The following ST6GALNAC3 variants were observed in gnomAD, a reference collection of about 807,000 sequenced individuals.
ST6GALNAC3 encodes alpha-N-acetylgalactosaminide alpha-2,6-sialyltransferase 3.
ST6GALNAC3 carries 25 observed loss-of-function variants against 32.7 expected under a neutral mutation model. That is an observed-to-expected ratio of 0.76 (90% CI 0.56 to 1.07). The LOEUF (loss-of-function observed/expected upper bound fraction) is 1.07, where lower values mean the gene tolerates loss of function less well. Ranked by LOEUF, ST6GALNAC3 falls within the 50% of genes least tolerant of loss-of-function variation. The probability of loss-of-function intolerance (pLI) is 0.00; values close to 1 mark genes in which losing one functional copy is unlikely to be tolerated. For missense variants in ST6GALNAC3, 355 were observed against 382.4 expected (o/e 0.93, Z 0.60); for synonymous variants, 129 against 133.1 (o/e 0.97, Z 0.21).
intron 3 of ST6GALNAC3, among the ~76,000 whole-genome samples, chr1:76,442,940 A>T (rs1404082855): frequency 2.0e-5 from 3 of 152,198 alleles, no homozygotes; most frequent in African/African-American, 7.2e-5. Context: ...ATGGTCTCCT[A>T]CTGTGTTTAA....
chr1:76,575,404 G>A (rs115194213), intron 3 of ST6GALNAC3, among the ~76,000 whole-genome samples: 178 of 152,194 alleles, frequency 1.2e-3, no homozygotes, highest in African/African-American at 4.1e-3. Context: ...CACCAAACAT[G>A]CATTGAGCAC....
In ST6GALNAC3 at chr1:76,550,277, A is replaced by T. The variant is rs183892883; in HGVS notation, c.624-77175A>T. ...AAATTCTAAAGATTCTACCATATTT[A>T]CTTATAAAAGCTTTACAGTTTGGCT... is the stretch of plus-strand genomic sequence containing the variant. On this transcript the variant is annotated intron_variant, in intron 3 of 4. Coordinates refer to ENST00000328299, the MANE Select transcript of ST6GALNAC3 (RefSeq NM_152996.4). Among the ~76,000 whole-genome samples the T allele has an allele frequency of 4.9e-4, 75 of 152,332 alleles. No individual in the cohort carries two copies. The Middle Eastern group carries it at 0.014, about 28-fold the overall frequency.
chr1:76,113,357 AG>A (rs1333314231), intron 1 of ST6GALNAC3, among the ~76,000 whole-genome samples: 1 of 8,042 alleles, frequency 1.2e-4, no homozygotes, highest in Non-Finnish European at 2.9e-4. Flanking sequence ...GGGGAGGGGG[AG>A]GGGGAGGGGG....
intron 3 of ST6GALNAC3, among the ~76,000 whole-genome samples, chr1:76,592,078 C>G (rs565700872): frequency 1.3e-5 from 2 of 152,188 alleles, no homozygotes; most frequent in South Asian, 2.1e-4. Flanking sequence ...ATTTGATTCC[C>G]TAGTTTAAGT....
chr1:76,597,606 G>C (rs1443616730), intron 3 of ST6GALNAC3, among the ~76,000 whole-genome samples: 3 of 151,992 alleles, frequency 2.0e-5, no homozygotes, highest in East Asian at 3.9e-4. Flanking sequence ...GAGTGTTTCT[G>C]CTTGTGATAC....
At chr1:76,251,102 T>A (rs907470396) in intron 1 of ST6GALNAC3, among the ~76,000 whole-genome samples, 10 of 152,150 alleles carry the variant, frequency 6.6e-5, no homozygotes, top group African/African-American at 9.7e-5. Flanking sequence ...CCTTTTTTTT[T>A]ATCGCCTTTT....
At chr1:76,080,411 T>G (rs1365722685) in intron 1 of ST6GALNAC3, among the ~76,000 whole-genome samples, 2 of 152,078 alleles carry the variant, frequency 1.3e-5, no homozygotes, top group Non-Finnish European at 2.9e-5. Flanking sequence ...AGATTAGAGC[T>G]TGTTGATTAG....
chr1:76,413,486 G>A (rs1429296502), intron 3 of ST6GALNAC3, among the ~76,000 whole-genome samples: 1 of 152,132 alleles, frequency 6.6e-6, no homozygotes, highest in East Asian at 1.9e-4. Context: ...ACTATATTGA[G>A]CTATGTGCTC....
chr1:76,094,415 G>A (rs1000266027), intron 1 of ST6GALNAC3, among the ~76,000 whole-genome samples: 2 of 152,160 alleles, frequency 1.3e-5, no homozygotes, highest in African/African-American at 4.8e-5. Flanking sequence ...CTTCCCAAGT[G>A]CTAGGCATGA....
chr1:76,578,882 G>A (rs1045273026), intron 3 of ST6GALNAC3, among the ~76,000 whole-genome samples: 1 of 151,950 alleles, frequency 6.6e-6, no homozygotes, highest in African/African-American at 2.4e-5. Context: ...TAAATAAGAC[G>A]CATCTGAGGA....
At chr1:76,635,579 A>C (rs1246172804), downstream of ST6GALNAC3, among the ~76,000 whole-genome samples, 1 of 152,188 alleles carries the variant, frequency 6.6e-6, no homozygotes, top group African/African-American at 2.4e-5. Context: ...GTCCATACCT[A>C]TCTGGGGAAG....
chr1:76,386,258 T>A (rs1470039513), intron 2 of ST6GALNAC3, among the ~76,000 whole-genome samples: 4 of 152,150 alleles, frequency 2.6e-5, no homozygotes, highest in Non-Finnish European at 5.9e-5. Flanking sequence ...GCTATGAGTT[T>A]GATTCACTAG....
intron 3 of ST6GALNAC3, among the ~76,000 whole-genome samples, chr1:76,426,384 C>T (rs556223858): frequency 1.3e-5 from 2 of 151,866 alleles, no homozygotes; most frequent in East Asian, 2.0e-4. Flanking sequence ...CCTAGGCCTA[C>T]ACAGGGTCAG....
At chr1:76,574,439 A>G (rs1157572196) in intron 3 of ST6GALNAC3, among the ~76,000 whole-genome samples, 6 of 151,850 alleles carry the variant, frequency 4.0e-5, no homozygotes, top group African/African-American at 4.8e-5. Context: ...TCTATACTAC[A>G]CTCCTGCTCC....
intron 1 of ST6GALNAC3, among the ~76,000 whole-genome samples, chr1:76,085,120 A>G (rs939765130): frequency 6.6e-6 from 1 of 152,240 alleles, no homozygotes; most frequent in South Asian, 2.1e-4. Flanking sequence ...CAAAAGAAGA[A>G]TAAGAGTTGA....
chr1:76,307,955 A>G (rs1661164568), intron 1 of ST6GALNAC3: 1 of 508,522 alleles, frequency 2.0e-6, no homozygotes, highest in Non-Finnish European at 3.9e-6. Flanking sequence ...CTAGAATGCC[A>G]TGTTTTTGAT....
chr1:76,366,730 A>G (rs1406975172), intron 2 of ST6GALNAC3, among the ~76,000 whole-genome samples: 1 of 152,132 alleles, frequency 6.6e-6, no homozygotes, highest in Non-Finnish European at 1.5e-5. Context: ...AAATACACAC[A>G]CAAGTACTGA....
intron 3 of ST6GALNAC3, among the ~76,000 whole-genome samples, chr1:76,517,759 T>TCACTTCTAAA (rs200726042): frequency 0.1 from 15,161 of 152,048 alleles, 943 homozygotes; most frequent in East Asian, 0.22. Flanking sequence ...TCACAGCGAC[T>TCACTTCTAAA]CAGTGATTTT....
chr1:76,420,386 T>G (rs1426365238), intron 3 of ST6GALNAC3, among the ~76,000 whole-genome samples: 1 of 152,088 alleles, frequency 6.6e-6, no homozygotes, highest in Non-Finnish European at 1.5e-5. Flanking sequence ...CCTTAGCAAA[T>G]TAATAATGGG....
Sources: gnomAD v4.1 joint callset for allele counts (sites outside exome capture counted in the v4.1 genomes callset) on GRCh38, gnomAD v4.1.1 for gene constraint, MANE v1.5 for transcripts, NCBI Gene and HGNC (gene_info 2026-07-23, HGNC 2026-07-21) for gene names.